The following NKAIN2 variants were observed in gnomAD, a reference collection of about 807,000 sequenced individuals.
NKAIN2 encodes the protein sodium/potassium transporting ATPase interacting 2, also known as sodium/potassium-transporting ATPase subunit beta-1-interacting protein 2.
Under a neutral mutation model 32.6 loss-of-function variants are expected in NKAIN2, and 14 were observed. That is an observed-to-expected ratio of 0.43 (90% CI 0.28 to 0.67). The LOEUF (loss-of-function observed/expected upper bound fraction) is 0.67. Among genes scored for constraint, NKAIN2 ranks in the 30% least tolerant of loss-of-function variants. The pLI is 0.17. For missense variants in NKAIN2, 198 were observed against 258.3 expected, an observed-to-expected ratio of 0.77 and a Z score of 1.60; for synonymous variants, 80 against 87.2, an observed-to-expected ratio of 0.92 and a Z score of 0.46.
intron 2 of NKAIN2, among the ~76,000 whole-genome samples, chr6:124,354,109 T>G (rs1798858476): frequency 6.6e-6 from 1 of 152,234 alleles, no homozygotes; most frequent in Non-Finnish European, 1.5e-5. Context: ...CGTTTTAAGC[T>G]TGATTCATCT....
intron 4 of NKAIN2, among the ~76,000 whole-genome samples, chr6:124,670,632 T>A (rs982999488): frequency 1.4e-5 from 2 of 143,460 alleles, no homozygotes; most frequent in African/African-American, 5.3e-5. Context: ...TACCTGAGAT[T>A]AATCTTTGCT....
At chr6:124,325,499 G>A (rs975703964) in intron 2 of NKAIN2, among the ~76,000 whole-genome samples, 2 of 151,956 alleles carry the variant, frequency 1.3e-5, no homozygotes, top group African/African-American at 4.8e-5. Context: ...GAAAAAAATT[G>A]TAATACCCAT....
rs956425837 is a variant in NKAIN2, at chr6:124,768,732, G to GA, written c.475-22598dup. ...ACATTCAAAATTTTTGTACCTGGGG[G>GA]AAAAAAAAACAAAACTTTTGTTTGA... On this transcript the variant is annotated intron_variant, in intron 4 of 6. Coordinates refer to ENST00000368417, the MANE Select transcript of NKAIN2 (RefSeq NM_001040214.3). Among the ~76,000 whole-genome samples, 119 of 147,942 alleles carry GA rather than the reference G, an allele frequency of 8.0e-4. 1 individual carries two copies. Among genetic ancestry groups the GA allele is most frequent in the African/African-American group, 2.5e-3 (101 of 40,352 alleles).
chr6:124,696,811 C>G (rs1412494441), intron 4 of NKAIN2, among the ~76,000 whole-genome samples: 1 of 146,190 alleles, frequency 6.8e-6, no homozygotes, highest in Non-Finnish European at 1.5e-5. Flanking sequence ...CTGTATAGGT[C>G]AAGAAGATTG....
intron 3 of NKAIN2, among the ~76,000 whole-genome samples, chr6:124,645,411 G>A (rs1583575100): frequency 6.6e-6 from 1 of 152,158 alleles, no homozygotes; most frequent in East Asian, 1.9e-4. Flanking sequence ...GTCAGCATCA[G>A]CAGTTTCTAA....
rs1008424575 is a variant in NKAIN2 at position 124,625,749 on chromosome 6, A to C, written c.274-32437A>C. On this transcript the variant is annotated intron_variant, in intron 3 of 6. Coordinates refer to ENST00000368417, the MANE Select transcript of NKAIN2 (RefSeq NM_001040214.3). The stretch of plus-strand genomic sequence containing the variant: ...ATTTATTTTTTGGTCTTTTACAGAA[A>C]ATCTTCAAAGTGCTATGTACATTTT... Among the ~76,000 whole-genome samples the C allele has an allele frequency of 9.0e-4, 137 of 151,914 alleles. 2 individuals are homozygous for C. The highest frequency in any genetic ancestry group is 3.3e-3 in the African/African-American group (135 of 41,438).
At chr6:124,206,045 A>T (rs1443791640) in intron 1 of NKAIN2, among the ~76,000 whole-genome samples, 1 of 151,912 alleles carries the variant, frequency 6.6e-6, no homozygotes, top group East Asian at 1.9e-4. Context: ...CTGAAAACAC[A>T]TGTGAATGCA....
intron 1 of NKAIN2, among the ~76,000 whole-genome samples, chr6:123,899,565 TG>T (rs762491798): frequency 2.4e-4 from 36 of 152,254 alleles, no homozygotes; most frequent in Admixed American, 5.2e-4. Context: ...GTATAGCAGA[TG>T]TAATCTTCAC....
chr6:124,012,576 C>T (rs536977692), intron 1 of NKAIN2, among the ~76,000 whole-genome samples: 2 of 152,034 alleles, frequency 1.3e-5, no homozygotes, highest in East Asian at 1.9e-4. Context: ...CCTTGTGATC[C>T]GCCCACCTCG....
At chr6:124,243,407 A>G (rs1161441609) in intron 1 of NKAIN2, among the ~76,000 whole-genome samples, 1 of 152,044 alleles carries the variant, frequency 6.6e-6, no homozygotes, top group Non-Finnish European at 1.5e-5. Flanking sequence ...AGGTAAGAGA[A>G]TAACTTGAAT....
chr6:124,693,191 G>T (rs1774342057), intron 4 of NKAIN2, among the ~76,000 whole-genome samples: 1 of 152,068 alleles, frequency 6.6e-6, no homozygotes, highest in Non-Finnish European at 1.5e-5. Context: ...ATACAATGTT[G>T]GTCCCATAGA....
chr6:124,501,345 TTAAA>T (rs1778283099), intron 3 of NKAIN2, among the ~76,000 whole-genome samples: 1 of 152,180 alleles, frequency 6.6e-6, no homozygotes, highest in African/African-American at 2.4e-5. Context: ...ATTGCAAGTC[TTAAA>T]TAAAGTGCAT....
chr6:124,375,219 C>T (rs1407788480), intron 3 of NKAIN2, among the ~76,000 whole-genome samples: 1 of 151,822 alleles, frequency 6.6e-6, no homozygotes, highest in Non-Finnish European at 1.5e-5. Flanking sequence ...TGCTCCAGAT[C>T]CCACTCCTAT....
chr6:124,236,419 C>T (rs1208552270), intron 1 of NKAIN2, among the ~76,000 whole-genome samples: 2 of 151,972 alleles, frequency 1.3e-5, no homozygotes, highest in Non-Finnish European at 2.9e-5. Context: ...GAAGTGGCAT[C>T]GCTGTAGAAA....
rs563909787 is a variant in NKAIN2, at chr6:124,412,961, G to A, written c.273+57614G>A. On this transcript the variant is annotated intron_variant, in intron 3 of 6. Coordinates refer to ENST00000368417, the MANE Select transcript of NKAIN2 (RefSeq NM_001040214.3). ...AATGAGCAAGGCTCCATGGGCGTAG[G>A]ACCCTCCGAGCCAGGTGCAGGAGAT... 3.9e-5 allele frequency among the ~76,000 whole-genome samples: 6 copies of A among 152,282 alleles called. 1 individual carries two copies. The South Asian group carries it at 1.2e-3, about 32-fold the overall frequency.
At chr6:124,220,659 G>C (rs1791767888) in intron 1 of NKAIN2, among the ~76,000 whole-genome samples, 1 of 151,222 alleles carries the variant, frequency 6.6e-6, no homozygotes, top group African/African-American at 2.4e-5. Flanking sequence ...CATATGTATT[G>C]ATAAATTGTT....
At chr6:123,859,437 T>A (rs1775693642) in intron 1 of NKAIN2, among the ~76,000 whole-genome samples, 1 of 152,074 alleles carries the variant, frequency 6.6e-6, no homozygotes, top group African/African-American at 2.4e-5. Context: ...TGTTTTCTTC[T>A]GTTATAGACA....
At chr6:123,828,239 T>C (rs1473272723) in intron 1 of NKAIN2, among the ~76,000 whole-genome samples, 1 of 152,134 alleles carries the variant, frequency 6.6e-6, no homozygotes, top group African/African-American at 2.4e-5. Flanking sequence ...ACATGTCTTA[T>C]TTGCCTCTGT....
chr6:124,192,992 G>A (rs748844551), intron 1 of NKAIN2, among the ~76,000 whole-genome samples: 17 of 151,970 alleles, frequency 1.1e-4, no homozygotes, highest in Non-Finnish European at 2.2e-4. Context: ...CTCGTGATCC[G>A]CTCGCCTTGG....
Sources: gnomAD v4.1 joint callset for allele counts (sites outside exome capture counted in the v4.1 genomes callset) on GRCh38, gnomAD v4.1.1 for gene constraint, MANE v1.5 for transcripts, NCBI Gene and HGNC (gene_info 2026-07-23, HGNC 2026-07-21) for gene names.